Variants in TOP1 observed in about 807,000 individuals in gnomAD.
The protein encoded by TOP1 is DNA topoisomerase 1.
Under a neutral mutation model 111.1 loss-of-function variants are expected in TOP1, and 10 were observed. The observed-to-expected ratio is 0.09, with a 90% confidence interval of 0.06 to 0.15. TOP1 has a LOEUF of 0.15. Among genes scored for constraint, TOP1 ranks in the 10% least tolerant of loss-of-function variants. The pLI is 1.00. For synonymous variants in TOP1, 271 were observed against 302.9 expected (o/e 0.89, Z 1.10); for missense variants, 474 against 926.7 (o/e 0.51, Z 6.34).
Position 41,034,581 on chromosome 20 carries a change from T to C in TOP1, c.58+5126T>C, listed in dbSNP as rs1220334537. On this transcript the variant is annotated intron_variant, in intron 2 of 20. Transcript: ENST00000361337. This position sits in a 1 kb window ranked among gnomAD's most constrained non-coding sequence, Gnocchi z 4.0. Reference sequence around the variant, plus strand: ...ATGTCTGTTAGATATTGATGGTATTTTGGTGGCGTTATGAGAAATGGCTGA... The same window carrying C: ...ATGTCTGTTAGATATTGATGGTATTCTGGTGGCGTTATGAGAAATGGCTGA... 6.6e-6 allele frequency among the ~76,000 whole-genome samples: 1 copy of C among 152,160 alleles called. No homozygotes were observed. The highest frequency in any genetic ancestry group is 1.5e-5 in the Non-Finnish European group (1 of 68,022).
At chr20:41,043,702 T>G (rs1568672905) in intron 2 of TOP1, among the ~76,000 whole-genome samples, 1 of 152,180 alleles carries the variant, frequency 6.6e-6, no homozygotes, top group Admixed American at 6.5e-5. Flanking sequence ...CCCTGACCAT[T>G]GGAAACAAAG....
chr20:41,109,901 C>T lies in TOP1; in HGVS notation c.1309-2881C>T, dbSNP rs968782098. ...ACTGGAAACATCCCAGAATAGATAA[C>T]ACATTATGGTATAGTCATAGAATAT... On this transcript the variant is annotated intron_variant, in intron 13 of 20. Coordinates refer to ENST00000361337, the MANE Select transcript of TOP1 (RefSeq NM_003286.4). The surrounding 1 kb of genome is among the most constrained non-coding windows in gnomAD (Gnocchi z 4.1). Among the ~76,000 whole-genome samples the T allele has an allele frequency of 1.3e-5, 2 of 152,192 alleles. No individual in the cohort carries two copies. Among genetic ancestry groups the T allele is most frequent in the African/African-American group, 4.8e-5 (2 of 41,442 alleles).
chr20:41,090,039 T>A (rs913944334), intron 8 of TOP1, among the ~76,000 whole-genome samples: 2 of 152,120 alleles, frequency 1.3e-5, no homozygotes, highest in African/African-American at 4.8e-5. Flanking sequence ...AGTGGCGCAA[T>A]CTTGGCTCAC....
At chr20:41,066,871 T>C (rs1044742479) in intron 3 of TOP1, among the ~76,000 whole-genome samples, 47 of 152,116 alleles carry the variant, frequency 3.1e-4, no homozygotes, top group African/African-American at 1.1e-3. Context: ...TGCCTTTTAA[T>C]ATTTTCTTCA....
chr20:41,088,933 C>T (rs2033881331), intron 8 of TOP1, among the ~76,000 whole-genome samples: 1 of 151,734 alleles, frequency 6.6e-6, no homozygotes, highest in South Asian at 2.1e-4. Flanking sequence ...TATTGTTGTG[C>T]ACCATCACCA....
rs2034372604 is a variant in TOP1, at chr20:41,118,686, A to C, written c.1950+390A>C. On this transcript the variant is annotated intron_variant, in intron 18 of 20. Coordinates refer to ENST00000361337, the MANE Select transcript of TOP1 (RefSeq NM_003286.4). The surrounding 1 kb of genome is among the most constrained non-coding windows in gnomAD (Gnocchi z 4.6). ...CCAAATTAGATTGTTTCAAATTGAA[A>C]AGATGATGAAACAATTATATATTTA... Among the ~76,000 whole-genome samples, 2 of 152,252 alleles carry C rather than the reference A, an allele frequency of 1.3e-5. No individual in the cohort carries two copies. Among genetic ancestry groups the C allele is most frequent in the African/African-American group, 4.8e-5 (2 of 41,464 alleles).
chr20:41,056,930 A>G (rs1223833727), intron 2 of TOP1, among the ~76,000 whole-genome samples: 3 of 152,066 alleles, frequency 2.0e-5, no homozygotes, highest in African/African-American at 7.2e-5. Context: ...AAACTTGGGG[A>G]CCTGGCTTAA....
At chr20:41,077,453 C>A (rs1327169895) in intron 4 of TOP1, 129 bp from the exon 5 acceptor site, 7 of 709,992 alleles carry the variant, frequency 9.9e-6, no homozygotes, top group African/African-American at 3.6e-5. Flanking sequence ...TTCATCTGTT[C>A]AGTTTTGGTA....
intron 3 of TOP1, among the ~76,000 whole-genome samples, chr20:41,074,166 G>A (rs1037637804): frequency 1.3e-5 from 2 of 151,886 alleles, no homozygotes. Flanking sequence ...TAATAGGAGT[G>A]CTAATGCAAT....
chr20:41,098,749 C>G lies in TOP1; in HGVS notation c.975+412C>G, dbSNP rs1568697045. 6.5e-6 allele frequency: 1 copy of G among 152,856 alleles called. No individual in the cohort carries two copies. The highest frequency in any genetic ancestry group is 2.4e-5 in the African/African-American group (1 of 41,432). The allele number at this position is 152,856 out of a possible 1,614,324, so 9.5% of individuals were successfully genotyped here. A position where few individuals can be genotyped will look rare whatever the true frequency, so the allele number is the denominator to read the frequency against. Reference sequence around the variant, plus strand: ...TGTGATGCTCATCCATCTCCATCTTCCAGCCTTGGCCATCCTCATTACTGA... The same window carrying G: ...TGTGATGCTCATCCATCTCCATCTTGCAGCCTTGGCCATCCTCATTACTGA... On this transcript the variant is annotated intron_variant, in intron 11 of 20. Transcript: ENST00000361337. This position sits in a 1 kb window ranked among gnomAD's most constrained non-coding sequence, Gnocchi z 5.7.
intron 7 of TOP1, 60 bp from the exon 8 acceptor site, chr20:41,084,402 C>A (rs934523138): frequency 3.8e-6 from 4 of 1,058,206 alleles, no homozygotes; most frequent in Non-Finnish European, 5.4e-6. Context: ...CTCCCAAAAA[C>A]TGCCTCCAGA....
chr20:41,121,862 C>T lies in TOP1; in HGVS notation c.2045+72C>T. 1.3e-6 allele frequency: 2 copies of T among 1,557,760 alleles called. No individual in the cohort carries two copies. Among genetic ancestry groups the T allele is most frequent in the Non-Finnish European group, 1.8e-6 (2 of 1,139,208 alleles). ...GCAGCATCTGTCAGGGCCCCTGGGG[C>T]CCTGGCTTTTCGATGGTTTCTGAGA... On this transcript the variant is annotated intron_variant, in intron 19 of 20. Transcript: ENST00000361337. This position sits in a 1 kb window ranked among gnomAD's most constrained non-coding sequence, Gnocchi z 4.2.
At chr20:41,037,524 A>G (rs1452516451) in intron 2 of TOP1, among the ~76,000 whole-genome samples, 2 of 152,240 alleles carry the variant, frequency 1.3e-5, no homozygotes, top group African/African-American at 2.4e-5. Context: ...TGAAATAGTA[A>G]TTCTTGGGAA....
At chr20:41,073,860 G>A (rs1415355984) in intron 3 of TOP1, among the ~76,000 whole-genome samples, 1 of 152,146 alleles carries the variant, frequency 6.6e-6, no homozygotes, top group African/African-American at 2.4e-5. Context: ...AGTTGGCAGG[G>A]CAGGGGGAGG....
rs1239218062 is a variant in TOP1 at position 41,118,573 on chromosome 20, C to G, written c.1950+277C>G. On this transcript the variant is annotated intron_variant, in intron 18 of 20. Transcript: ENST00000361337. This position sits in a 1 kb window ranked among gnomAD's most constrained non-coding sequence, Gnocchi z 4.6. ...CTAACTTTGGTGTACATTCTAATTG[C>G]TAATTACTGTCCTTATTGTACATGA... 2.0e-5 allele frequency among the ~76,000 whole-genome samples: 3 copies of G among 152,190 alleles called. No homozygotes were observed. The East Asian group carries it at 5.8e-4, about 29-fold the overall frequency.
In TOP1 at chr20:41,046,842, A is replaced by G. The variant is rs922255999; in HGVS notation, c.59-14552A>G. Among the ~76,000 whole-genome samples, 13 of 152,246 alleles carry G rather than the reference A, an allele frequency of 8.5e-5. No individual in the cohort carries two copies. Among genetic ancestry groups the G allele is most frequent in the African/African-American group, 2.9e-4 (12 of 41,452 alleles). ...AGGGGAATAAATAACAAATTTAACC[A>G]GCTTGCTGCTTAAGAAGCAGAATTA... On this transcript the variant is annotated intron_variant, in intron 2 of 20. Transcript: ENST00000361337. The surrounding 1 kb of genome is among the most constrained non-coding windows in gnomAD (Gnocchi z 4.3).
chr20:41,095,154 C>T lies in TOP1; in HGVS notation c.731-2066C>T, dbSNP rs1460684231. ...GCAGCCTCCACCTCCAAGGTTCAAACGATTCTCATGCCTCAGCCTCCCAAG... is the reference window on the plus strand; with the variant it reads ...GCAGCCTCCACCTCCAAGGTTCAAATGATTCTCATGCCTCAGCCTCCCAAG... On this transcript the variant is annotated intron_variant, in intron 9 of 20. Coordinates refer to ENST00000361337, the MANE Select transcript of TOP1 (RefSeq NM_003286.4). This position sits in a 1 kb window ranked among gnomAD's most constrained non-coding sequence, Gnocchi z 4.6. Among the ~76,000 whole-genome samples, 4 of 152,282 alleles carry T rather than the reference C, an allele frequency of 2.6e-5. No individual in the cohort carries two copies. The highest frequency in any genetic ancestry group is 9.6e-5 in the African/African-American group (4 of 41,564).
At chr20:41,113,407 A>AT (rs2034274036) in intron 14 of TOP1, among the ~76,000 whole-genome samples, 1 of 151,574 alleles carries the variant, frequency 6.6e-6, no homozygotes, top group Non-Finnish European at 1.5e-5. Flanking sequence ...CTCCATCCCT[A>AT]TTTCAGAGGA....
intron 2 of TOP1, among the ~76,000 whole-genome samples, chr20:41,048,116 C>T (rs923392102): frequency 6.6e-6 from 1 of 151,106 alleles, no homozygotes; most frequent in African/African-American, 2.4e-5. Context: ...AAAAATTCCC[C>T]AGAGGCTGAC....
Sources: gnomAD v4.1 joint callset for allele counts (sites outside exome capture counted in the v4.1 genomes callset) on GRCh38, gnomAD v4.1.1 for gene constraint, Gnocchi (gnomAD v3.1) non-coding constraint, MANE v1.5 for transcripts, NCBI Gene and HGNC (gene_info 2026-07-23, HGNC 2026-07-21) for gene names.